The following GUCY1A1 variants were observed in gnomAD, a reference collection of about 807,000 sequenced individuals.
The protein encoded by GUCY1A1 is guanylate cyclase soluble subunit alpha-1.
Under a neutral mutation model 64.5 loss-of-function variants are expected in GUCY1A1, and 48 were observed. That is an observed-to-expected ratio of 0.74 (90% confidence interval 0.59 to 0.95). The LOEUF is 0.95. Ranked by LOEUF, GUCY1A1 falls within the 40% of genes least tolerant of loss-of-function variation. The pLI is 0.00. For synonymous variants in GUCY1A1, 308 were observed against 303.4 expected (o/e 1.02, Z -0.16); for missense variants, 804 against 825.3 (o/e 0.97, Z 0.32).
At chr4:155,678,617 G>T (rs533720516) in intron 2 of GUCY1A1, among the ~76,000 whole-genome samples, 1 of 152,140 alleles carries the variant, frequency 6.6e-6, no homozygotes. Context: ...TAATGGAACC[G>T]GTATTTGTAG....
At chr4:155,719,122 T>C (rs1733639370) in intron 8 of GUCY1A1, among the ~76,000 whole-genome samples, 1 of 152,166 alleles carries the variant, frequency 6.6e-6, no homozygotes, top group South Asian at 2.1e-4. Flanking sequence ...GGCATTTTTG[T>C]TATTTGCAGA....
At chr4:155,681,491 T>G (rs1487045351) in intron 2 of GUCY1A1, among the ~76,000 whole-genome samples, 2 of 152,198 alleles carry the variant, frequency 1.3e-5, no homozygotes, top group Non-Finnish European at 2.9e-5. Flanking sequence ...TTCTTCCACT[T>G]TCAGTCTACT....
chr4:155,674,714 G>A (rs1217860810), intron 2 of GUCY1A1, among the ~76,000 whole-genome samples: 1 of 151,404 alleles, frequency 6.6e-6, no homozygotes, highest in Non-Finnish European at 1.5e-5. Context: ...AACAGTCCTC[G>A]CCTATGAATA....
chr4:155,713,063 G>T, intron 6 of GUCY1A1, 35 bp from the exon 7 acceptor site: 1 of 1,554,038 alleles, frequency 6.4e-7, no homozygotes, highest in South Asian at 1.2e-5. Flanking sequence ...TGGGAAACTT[G>T]AATAAACCAC....
At chr4:155,676,009 G>T (rs1206505813) in intron 2 of GUCY1A1, among the ~76,000 whole-genome samples, 5 of 151,444 alleles carry the variant, frequency 3.3e-5, no homozygotes, top group Non-Finnish European at 2.9e-5. Flanking sequence ...CAATCTTTTG[G>T]AGTGTCTCCT....
rs560037585 is a variant in GUCY1A1, at chr4:155,734,371, C to T, written c.*4140C>T. On this transcript the variant is annotated 3_prime_UTR_variant, in exon 10 of 10. Coordinates refer to ENST00000506455, the MANE Select transcript of GUCY1A1 (RefSeq NM_001130682.3). ...TGATGCAAATGTTAGTCGCCCAAAG[C>T]AGAATGGGTTAACGAATTACTGCAG... The T allele has an allele frequency of 6.6e-6, 1 of 152,024 alleles. No individual in the cohort carries two copies. The highest frequency in any genetic ancestry group is 2.1e-4 in the South Asian group (1 of 4,824). 9.4% of individuals were successfully genotyped at this position (152,024 alleles called of 1,614,324 possible).
chr4:155,705,623 T>C (rs900068803), intron 4 of GUCY1A1, among the ~76,000 whole-genome samples: 1 of 151,592 alleles, frequency 6.6e-6, no homozygotes, highest in Non-Finnish European at 1.5e-5. Flanking sequence ...AATAATAGAA[T>C]AAATACTGGT....
chr4:155,706,993 TTTCA>T (rs1459347629), intron 4 of GUCY1A1, among the ~76,000 whole-genome samples: 2 of 152,232 alleles, frequency 1.3e-5, no homozygotes, highest in Non-Finnish European at 2.9e-5. Flanking sequence ...AATAGGTTTC[TTTCA>T]TTACTAATTT....
chr4:155,679,903 T>C (rs1376382712), intron 2 of GUCY1A1, among the ~76,000 whole-genome samples: 1 of 152,222 alleles, frequency 6.6e-6, no homozygotes, highest in East Asian at 1.9e-4. Context: ...TGTGGATCTC[T>C]ATCTCATTGA....
At chr4:155,718,845 G>A (rs1167735866) in intron 8 of GUCY1A1, among the ~76,000 whole-genome samples, 2 of 152,150 alleles carry the variant, frequency 1.3e-5, no homozygotes, top group African/African-American at 2.4e-5. Flanking sequence ...AGGGCTCAGA[G>A]CCCAAGAATC....
At chr4:155,729,580 C>T (rs188427746) in intron 9 of GUCY1A1, among the ~76,000 whole-genome samples, 1 of 151,852 alleles carries the variant, frequency 6.6e-6, no homozygotes, top group Admixed American at 6.6e-5. Context: ...TTTTGGTTCA[C>T]TATTTCTTGC....
At chr4:155,722,416 G>A (rs1579117563) in intron 9 of GUCY1A1, 5 of 1,367,368 alleles carry the variant, frequency 3.7e-6, no homozygotes, top group East Asian at 5.7e-5. Flanking sequence ...ATAAATCCAT[G>A]ACAGATATTA....
In GUCY1A1 at chr4:155,713,395, G is replaced by T. The variant is rs773043453; in HGVS notation, c.1384G>T (p.Val462Phe). 2 of 1,614,136 alleles carry T rather than the reference G, an allele frequency of 1.2e-6. No individual in the cohort carries two copies. The highest frequency in any genetic ancestry group is 1.7e-5 in the Admixed American group (1 of 60,022). ...TCTGTGCTCCATATTTCCCTGTGAG[G>T]TTGCTCAGCAGCTGTGGCAAGGGCA... ...DLLCSIFPCE[V>F]AQQLWQGQVV... The change falls in exon 7 of 10, where the codon GTT (valine) becomes TTT (phenylalanine). Residue 462 changes from valine to phenylalanine, a missense_variant. Physicochemically the swap from Val to Phe is conservative, Grantham distance 50. Coordinates refer to ENST00000506455, the MANE Select transcript of GUCY1A1 (RefSeq NM_001130682.3).
At chr4:155,716,763 A>T (rs769318562) in intron 7 of GUCY1A1, among the ~76,000 whole-genome samples, 2 of 152,158 alleles carry the variant, frequency 1.3e-5, no homozygotes, top group East Asian at 1.9e-4. Context: ...CTATTTTATG[A>T]TGAGGAGGAT....
At chr4:155,718,654 TG>T (rs1231570426) in intron 8 of GUCY1A1, among the ~76,000 whole-genome samples, 5 of 152,158 alleles carry the variant, frequency 3.3e-5, no homozygotes, top group African/African-American at 1.2e-4. Flanking sequence ...GCTGAAAGGT[TG>T]GGTTCAGCTG....
intron 9 of GUCY1A1, 113 bp from the exon 10 acceptor site, chr4:155,729,917 A>C: frequency 3.1e-6 from 2 of 644,704 alleles, no homozygotes; most frequent in Non-Finnish European, 5.4e-6. Context: ...TCTGTCACTC[A>C]CACCTAAAAT....
chr4:155,697,601 C>G (rs1453485418), intron 3 of GUCY1A1, among the ~76,000 whole-genome samples: 1 of 152,208 alleles, frequency 6.6e-6, no homozygotes, highest in Non-Finnish European at 1.5e-5. Flanking sequence ...CATCATACGT[C>G]CCCTGCCAGT....
chr4:155,697,890 G>T (rs1320646235), intron 3 of GUCY1A1, among the ~76,000 whole-genome samples: 1 of 152,180 alleles, frequency 6.6e-6, no homozygotes, highest in African/African-American at 2.4e-5. Flanking sequence ...TCTTCATGAT[G>T]TCTTCCTCCC....
At chr4:155,704,827 C>T (rs1374450781) in intron 4 of GUCY1A1, among the ~76,000 whole-genome samples, 1 of 152,148 alleles carries the variant, frequency 6.6e-6, no homozygotes, top group African/African-American at 2.4e-5. Flanking sequence ...GGCCATCCTT[C>T]TGCCTCAGCC....
Sources: allele counts gnomAD v4.1 joint callset (sites outside exome capture counted in the v4.1 genomes callset), GRCh38; gene constraint gnomAD v4.1.1; transcripts MANE v1.5; gene names NCBI Gene and HGNC (gene_info 2026-07-23, HGNC 2026-07-21).